Variants in MPP2 observed in about 807,000 individuals in gnomAD.
MPP2 encodes MAGUK p55 scaffold protein 2, also known as MAGUK p55 subfamily member 2.
MPP2 carries 42 observed loss-of-function variants against 58.5 expected under a neutral mutation model. The ratio of observed to expected loss-of-function variants is 0.72; its 90% CI spans 0.56 to 0.93. The LOEUF (loss-of-function observed/expected upper bound fraction) is 0.93. MPP2 is among the 40% of genes least tolerant of loss of function. MPP2 has a pLI of 0.00. For missense variants in MPP2, 632 were observed against 760.4 expected (o/e 0.83, Z 1.99); for synonymous variants, 300 against 307.8 (o/e 0.97, Z 0.26).
intron 3 of MPP2, among the ~76,000 whole-genome samples, chr17:43,887,753 C>T (rs1181848998): frequency 6.6e-6 from 1 of 151,738 alleles, no homozygotes; most frequent in East Asian, 1.9e-4. Context: ...ACAGCAAGAC[C>T]CCATCTCTAT....
Position 43,877,664 on chromosome 17 carries a change from A to C in MPP2, c.*143T>G. Reference sequence around the variant, plus strand: ...GTGCACGCCTCTGTGCTGAAGCCAGACTTAGGGCCTGCTGGGAGCTGTTAC... The same window carrying C: ...GTGCACGCCTCTGTGCTGAAGCCAGCCTTAGGGCCTGCTGGGAGCTGTTAC... On this transcript the variant is annotated 3_prime_UTR_variant, in exon 13 of 13. Transcript: ENST00000269095. 1 of 750,896 alleles carries C rather than the reference A, an allele frequency of 1.3e-6. No homozygotes were observed. The highest frequency in any genetic ancestry group is 2.5e-5 in the East Asian group (1 of 40,468). The allele number at this position is 750,896 out of a possible 1,614,324, so 46.5% of individuals were successfully genotyped here. A position where few individuals can be genotyped will look rare whatever the true frequency, so the allele number is the denominator to read the frequency against.
rs563774073 is a variant in MPP2 at position 43,880,538 on chromosome 17, A to C, written c.1150+153T>G. On this transcript the variant is annotated intron_variant, in intron 10 of 12. Transcript: ENST00000269095. This position sits in a 1 kb window ranked among gnomAD's most constrained non-coding sequence, Gnocchi z 5.2. ...CCCTTCCTGAGCCTGAAGTTCCCCT[A>C]ACCACCCACAGAGGGCGTGCACCCC... 2.0e-5 allele frequency among the ~76,000 whole-genome samples: 3 copies of C among 152,236 alleles called. No homozygotes were observed. The South Asian group carries it at 6.2e-4, about 32-fold the overall frequency.
chr17:43,884,110 T>C (rs903680577), intron 3 of MPP2: 24 of 702,644 alleles, frequency 3.4e-5, no homozygotes, highest in Non-Finnish European at 5.2e-5. Context: ...ATGTATTTCA[T>C]AGGAACAAAG....
chr17:43,893,912 CTTGT>C (rs1441551624), intron 3 of MPP2, among the ~76,000 whole-genome samples: 1 of 152,168 alleles, frequency 6.6e-6, no homozygotes, highest in African/African-American at 2.4e-5. Context: ...AGCTGTACTA[CTTGT>C]ATGAAATAGA....
At position 43,881,072 on chromosome 17, in the gene MPP2, G is replaced by T. The variant is rs923510493; in HGVS notation, c.988+18C>A. The stretch of plus-strand genomic sequence containing the variant: ...CCATGTTAGAGGAGGGTAAGGGAGG[G>T]GGCGCTCTGATACCCACCTGCATTC... On this transcript the variant is annotated intron_variant, in intron 9 of 12. Coordinates refer to ENST00000269095, the MANE Select transcript of MPP2 (RefSeq NM_005374.5). 1.5e-5 allele frequency: 24 copies of T among 1,613,064 alleles called. No homozygotes were observed. Among genetic ancestry groups the T allele is most frequent in the Non-Finnish European group, 2.0e-5 (24 of 1,179,496 alleles).
At chr17:43,892,570 G>C (rs1240573081) in intron 3 of MPP2, among the ~76,000 whole-genome samples, 1 of 152,044 alleles carries the variant, frequency 6.6e-6, no homozygotes, top group African/African-American at 2.4e-5. Flanking sequence ...GCTCAGGTAG[G>C]CTCCTTTATG....
At chr17:43,900,609 TC>T in intron 2 of MPP2, 1 of 1,485,236 alleles carries the variant, frequency 6.7e-7, no homozygotes. Flanking sequence ...GTCTACCGCC[TC>T]CCCAGCCAAA....
Position 43,879,856 on chromosome 17 carries a change from A to G in MPP2, c.1279T>C (p.Tyr427His). ...CGGATGGAGTCAATACGTGTGCCAT[A>G]CAGGTTGCCCTCGTATTCGCCATGC... ...LEHGEYEGNL[Y>H]GTRIDSIRGV... Residue 427 changes from tyrosine (Y) to histidine (H), a missense_variant, in exon 11 of 13, where the codon TAT becomes CAT. Physicochemically the swap from Tyr to His is moderately conservative, Grantham distance 83 (BLOSUM62 2). Transcript: ENST00000269095. This position sits in a 1 kb window ranked among gnomAD's most constrained non-coding sequence, Gnocchi z 4.1. 6.2e-7 allele frequency: 1 copy of G among 1,614,010 alleles called. No homozygotes were observed. The highest frequency in any genetic ancestry group is 8.5e-7 in the Non-Finnish European group (1 of 1,179,954).
Position 43,880,649 on chromosome 17 carries a change from T to A in MPP2, c.1150+42A>T. The A allele has an allele frequency of 6.4e-7, 1 of 1,560,988 alleles. No individual in the cohort carries two copies. Among genetic ancestry groups the A allele is most frequent in the Non-Finnish European group, 8.7e-7 (1 of 1,149,458 alleles). ...CCCAGCCCTGGCCCCAGGGGAGCCC[T>A]GCTCCTTGTCCCCAACTCAGCAGGG... On this transcript the variant is annotated intron_variant, in intron 10 of 12. Transcript: ENST00000269095. The surrounding 1 kb of genome is among the most constrained non-coding windows in gnomAD (Gnocchi z 5.2).
In MPP2 at chr17:43,880,692, G is replaced by A. The variant is rs1470658296; in HGVS notation, c.1149C>T (p.Pro383=). ...WDPDRYGTTV[P]YTSRRPKDSE... Reference sequence around the variant, plus strand: ...CAGCAGGGCCCAGCTCCCACTCACAGGGCACCGTGGTGCCATAGCGATCTG... The same window carrying A: ...CAGCAGGGCCCAGCTCCCACTCACAAGGCACCGTGGTGCCATAGCGATCTG... Residue 383 remains proline (P), a splice_region_variant and synonymous_variant, in exon 10 of 13, where the codon CCC becomes CCT. Coordinates refer to ENST00000269095, the MANE Select transcript of MPP2 (RefSeq NM_005374.5). This position sits in a 1 kb window ranked among gnomAD's most constrained non-coding sequence, Gnocchi z 5.2. 6.2e-7 allele frequency: 1 copy of A among 1,606,630 alleles called. No homozygotes were observed. Among genetic ancestry groups the A allele is most frequent in the South Asian group, 1.1e-5 (1 of 90,138 alleles).
In MPP2 at chr17:43,877,180, C is replaced by T. The variant is rs1406896533; in HGVS notation, c.*627G>A. On this transcript the variant is annotated 3_prime_UTR_variant, in exon 13 of 13. Transcript: ENST00000269095. ...GACCGAGCAGCATCTGCCCTGCGAC[C>T]CTGTCCCTTTCCAAAGGAGCTGGGA... The T allele has an allele frequency of 6.5e-6, 1 of 152,922 alleles. No homozygotes were observed. Among genetic ancestry groups the T allele is most frequent in the African/African-American group, 2.4e-5 (1 of 41,474 alleles). The allele number at this position is 152,922 out of a possible 1,614,324, so 9.5% of individuals were successfully genotyped here.
In MPP2 at chr17:43,883,202, C is replaced by A; in HGVS notation, c.303+1G>T. ...TCACCCCAGCCCTAGCAGCCAGGAA[C>A]CTGGAAGTGGGGCTCCTGGAGGATG... On this transcript the variant is annotated splice_donor_variant, in intron 4 of 12. Coordinates refer to ENST00000269095, the MANE Select transcript of MPP2 (RefSeq NM_005374.5). LOFTEE classifies it high-confidence loss of function. 6.2e-7 allele frequency: 1 copy of A among 1,602,090 alleles called. No individual in the cohort carries two copies. The highest frequency in any genetic ancestry group is 8.5e-7 in the Non-Finnish European group (1 of 1,173,474).
chr17:43,879,133 G>A lies in MPP2; in HGVS notation c.1482+142C>T. The A allele has an allele frequency of 1.9e-6, 2 of 1,045,460 alleles. No homozygotes were observed. The highest frequency in any genetic ancestry group is 2.8e-6 in the Non-Finnish European group (2 of 712,076). The allele number at this position is 1,045,460 out of a possible 1,614,324, so 64.8% of individuals were successfully genotyped here. On this transcript the variant is annotated intron_variant, in intron 12 of 12. Transcript: ENST00000269095. The surrounding 1 kb of genome is among the most constrained non-coding windows in gnomAD (Gnocchi z 4.1). Reference sequence around the variant, plus strand: ...CCTCCCCTTCCACATCTATGCAGGGGGGACCACGTCCTGCCTCACTGATAA... The same window carrying A: ...CCTCCCCTTCCACATCTATGCAGGGAGGACCACGTCCTGCCTCACTGATAA...
chr17:43,891,647 G>C (rs2047611931), intron 3 of MPP2, among the ~76,000 whole-genome samples: 3 of 151,822 alleles, frequency 2.0e-5, no homozygotes, highest in Admixed American at 2.0e-4. Flanking sequence ...TGTAATCCTA[G>C]CACTTTAGGA....
At position 43,879,513 on chromosome 17, in the gene MPP2, GA is replaced by G; in HGVS notation, c.1354-111del. On this transcript the variant is annotated intron_variant, in intron 11 of 12. Coordinates refer to ENST00000269095, the MANE Select transcript of MPP2 (RefSeq NM_005374.5). The surrounding 1 kb of genome is among the most constrained non-coding windows in gnomAD (Gnocchi z 4.1). ...GGGGTGAGCACTTGGGAGTGGATGA[GA>G]AAAGGGTGCCCGGGGGTCTGGGACA... The G allele has an allele frequency of 1.4e-6, 2 of 1,395,502 alleles. No homozygotes were observed. The highest frequency in any genetic ancestry group is 2.0e-6 in the Non-Finnish European group (2 of 1,003,606). The allele number at this position is 1,395,502 out of a possible 1,614,324, so 86.4% of individuals were successfully genotyped here. A position where few individuals can be genotyped will look rare whatever the true frequency, so the allele number is the denominator to read the frequency against.
rs769988403 is a variant in MPP2, at chr17:43,877,845, T to C, written c.1621A>G (p.Thr541Ala). 1.1e-4 allele frequency: 172 copies of C among 1,613,896 alleles called. No individual in the cohort carries two copies. The highest frequency in any genetic ancestry group is 1.4e-4 in the Non-Finnish European group (170 of 1,179,930). ...ELQTAMEKLR[T>A]EPQWVPVSWV... ...CTGACAGGCACCCACTGGGGCTCTG[T>C]CCGTAGCTTCTCCATGGCTGTCTGG... The change falls in exon 13 of 13, where the codon ACA (threonine) becomes GCA (alanine). Residue 541 changes from threonine (T) to alanine (A), a missense_variant. Transcript: ENST00000269095.
In MPP2 at chr17:43,880,564, A is replaced by G. The variant is rs546039535; in HGVS notation, c.1150+127T>C. ...ACCACCCACAGAGGGCGTGCACCCC[A>G]ACCCGTGTACCCAAAGGTACCACCT... On this transcript the variant is annotated intron_variant, in intron 10 of 12. Transcript: ENST00000269095. This position sits in a 1 kb window ranked among gnomAD's most constrained non-coding sequence, Gnocchi z 5.2. 18 of 1,135,398 alleles carry G rather than the reference A, an allele frequency of 1.6e-5. No homozygotes were observed. In the East Asian group the frequency reaches 4.8e-4, roughly 30 times the overall value. 70.3% of individuals were successfully genotyped at this position (1,135,398 alleles called of 1,614,324 possible).
Position 43,879,644 on chromosome 17 carries a change from G to T in MPP2, c.1353+138C>A. The T allele has an allele frequency of 9.1e-7, 1 of 1,093,198 alleles. No homozygotes were observed. The highest frequency in any genetic ancestry group is 1.3e-6 in the Non-Finnish European group (1 of 760,918). 67.7% of individuals were successfully genotyped at this position (1,093,198 alleles called of 1,614,324 possible). Reference sequence around the variant, plus strand: ...GAAGGCTGAGAAAGGTTCCAGGTGGGCTGGGTTTCTAGCAGTAGTTGAGGG... The same window carrying T: ...GAAGGCTGAGAAAGGTTCCAGGTGGTCTGGGTTTCTAGCAGTAGTTGAGGG... On this transcript the variant is annotated intron_variant, in intron 11 of 12. Coordinates refer to ENST00000269095, the MANE Select transcript of MPP2 (RefSeq NM_005374.5). This position sits in a 1 kb window ranked among gnomAD's most constrained non-coding sequence, Gnocchi z 4.1.
Position 43,901,668 on chromosome 17 carries a change from A to T in MPP2, c.31+2762T>A, listed in dbSNP as rs541882731. The T allele has an allele frequency of 5.9e-6, 5 of 852,112 alleles. No homozygotes were observed. The East Asian group carries it at 4.9e-4, about 83-fold the overall frequency. The allele number at this position is 852,112 out of a possible 1,614,324, so 52.8% of individuals were successfully genotyped here. A position where few individuals can be genotyped will look rare whatever the true frequency, so the allele number is the denominator to read the frequency against. ...CAGCTCCACCTGAAAGCAGCCACAT[A>T]TCCCAGCCTTGATCCAAAAAAGGGA... is the stretch of plus-strand genomic sequence containing the variant. On this transcript the variant is annotated intron_variant, in intron 2 of 12. Transcript: ENST00000269095.
Sources: allele counts gnomAD v4.1 joint callset (sites outside exome capture counted in the v4.1 genomes callset), GRCh38; gene constraint gnomAD v4.1.1; non-coding constraint Gnocchi (gnomAD v3.1); transcripts MANE v1.5; gene names NCBI Gene and HGNC (gene_info 2026-07-23, HGNC 2026-07-21).